The following CEACAM5 variants were observed in gnomAD, a reference collection of about 807,000 sequenced individuals.
CEACAM5 encodes the protein CEA cell adhesion molecule 5.
A neutral mutation model predicts 63.0 loss-of-function variants in CEACAM5; 52 were observed. That is an observed-to-expected ratio of 0.83 (90% CI 0.66 to 1.04). The LOEUF (loss-of-function observed/expected upper bound fraction) is 1.04. Ranked by LOEUF, CEACAM5 falls within the 50% of genes least tolerant of loss-of-function variation. The pLI is 0.00. For synonymous variants in CEACAM5, 357 were observed against 351.3 expected (o/e 1.02, Z -0.18); for missense variants, 790 against 864.8 (o/e 0.91, Z 1.08).
chr19:41,717,453 A>G lies in CEACAM5; in HGVS notation c.959-2A>G, dbSNP rs200674246. On this transcript the variant is annotated splice_acceptor_variant, in intron 4 of 9. Coordinates refer to ENST00000221992, the MANE Select transcript of CEACAM5 (RefSeq NM_004363.6). LOFTEE classifies it high-confidence loss of function. The stretch of plus-strand genomic sequence containing the variant: ...GCAATCTTCTCTCTGTTATCTGCAC[A>G]GCAGAGCCACCCAAACCCTTCATCA... The G allele has an allele frequency of 3.1e-6, 5 of 1,612,248 alleles. No individual in the cohort carries two copies. In the African/African-American group the frequency reaches 5.3e-5, roughly 17 times the overall value.
In CEACAM5 at chr19:41,721,032, C is replaced by T. The variant is rs201571774; in HGVS notation, c.1882C>T (p.Arg628Cys). ...ASNPSPQYSW[R>C]INGIPQQHTQ... ...TAACCCATCCCCGCAGTATTCTTGG[C>T]GTATCAATGGGATACCGCAGCAACA... The change falls in exon 8 of 10, where the codon CGT becomes TGT. Residue 628 changes from arginine to cysteine, a missense_variant. Arg to Cys is a radical substitution (Grantham distance 180). Transcript: ENST00000221992. 26 of 1,614,060 alleles carry T rather than the reference C, an allele frequency of 1.6e-5. No homozygotes were observed. In the East Asian group the frequency reaches 2.9e-4, roughly 18 times the overall value.
intron 8 of CEACAM5, among the ~76,000 whole-genome samples, chr19:41,722,907 GTTTGTT>G (rs1555816496): frequency 6.6e-6 from 1 of 151,874 alleles, no homozygotes; most frequent in African/African-American, 2.4e-5. Flanking sequence ...TTGTTTGTTT[GTTTGTT>G]TGTTTGTTTT....
At chr19:41,720,267 G>T (rs782227911) in intron 7 of CEACAM5, 59 bp downstream of exon 7, 9 of 1,567,732 alleles carry the variant, frequency 5.7e-6, no homozygotes, top group Admixed American at 1.7e-5. Flanking sequence ...CACAGCCAGA[G>T]GCCAGGACTC....
intron 6 of CEACAM5, among the ~76,000 whole-genome samples, chr19:41,719,569 C>T (rs745635820): frequency 1.3e-5 from 2 of 152,146 alleles, no homozygotes; most frequent in Non-Finnish European, 2.9e-5. Flanking sequence ...GGTGTGGGAC[C>T]GTGCAGCTGA....
intron 8 of CEACAM5, among the ~76,000 whole-genome samples, chr19:41,723,585 T>C (rs920872774): frequency 1.3e-5 from 2 of 152,188 alleles, no homozygotes; most frequent in Non-Finnish European, 2.9e-5. Flanking sequence ...AGATATATGA[T>C]TTGCAAATAT....
chr19:41,715,264 T>C lies in CEACAM5; in HGVS notation c.703+15T>C, dbSNP rs1555814757. 1 of 1,614,004 alleles carries C rather than the reference T, an allele frequency of 6.2e-7. No individual in the cohort carries two copies. The highest frequency in any genetic ancestry group is 1.7e-5 in the Admixed American group (1 of 60,008). On this transcript the variant is annotated intron_variant, in intron 3 of 9. Coordinates refer to ENST00000221992, the MANE Select transcript of CEACAM5 (RefSeq NM_004363.6). ...GAATGTCCTCTGTGAGTATATCTGC[T>C]CCTCTCTGGCCCAGGCTGCCAGCCC...
chr19:41,715,027 G>T lies in CEACAM5; in HGVS notation c.481G>T (p.Asp161Tyr). ...SNNSKPVEDKDAVAFTCEPET... is the reference protein window; with the variant it reads ...SNNSKPVEDKYAVAFTCEPET... Reference sequence around the variant, plus strand: ...CAACTCCAAACCCGTGGAGGACAAGGATGCTGTGGCCTTCACCTGTGAACC... The same window carrying T: ...CAACTCCAAACCCGTGGAGGACAAGTATGCTGTGGCCTTCACCTGTGAACC... The change falls in exon 3 of 10, where the codon GAT (aspartate) becomes TAT (tyrosine). Residue 161 changes from aspartate (D) to tyrosine (Y), a missense_variant. Asp to Tyr is a radical substitution (Grantham distance 160). Transcript: ENST00000221992. The T allele has an allele frequency of 6.2e-7, 1 of 1,614,190 alleles. No individual in the cohort carries two copies. Among genetic ancestry groups the T allele is most frequent in the Non-Finnish European group, 8.5e-7 (1 of 1,180,034 alleles).
rs1159162980 is a variant in CEACAM5 at position 41,727,250 on chromosome 19, T to C, written c.2043T>C (p.Pro681=). Residue 681 remains proline (P), a synonymous_variant, in exon 9 of 10, where the codon CCT becomes CCC. Transcript: ENST00000221992. Reference sequence around the variant, plus strand: ...ACGATTCAGCATCTGGAACTTCTCCTGGTCTCTCAGCTGGGGCCACTGTCG... The same window carrying C: ...ACGATTCAGCATCTGGAACTTCTCCCGGTCTCTCAGCTGGGGCCACTGTCG... ...SITVSASGTS[P]GLSAGATVGI... 1 of 1,613,978 alleles carries C rather than the reference T, an allele frequency of 6.2e-7. No individual in the cohort carries two copies. Among genetic ancestry groups the C allele is most frequent in the Admixed American group, 1.7e-5 (1 of 60,034 alleles).
rs2072557048 is a variant in CEACAM5, at chr19:41,718,110, C to T, written c.1238-18C>T. ...GCTCTGATGACATTCACCTGTGGCC[C>T]TATTCTCTTTGCTCCAGATGGCCCA... On this transcript the variant is annotated intron_variant, in intron 5 of 9. Transcript: ENST00000221992. 1.9e-6 allele frequency: 3 copies of T among 1,613,692 alleles called. No homozygotes were observed. Among genetic ancestry groups the T allele is most frequent in the South Asian group, 1.1e-5 (1 of 90,994 alleles).
chr19:41,708,851 T>A, intron 1 of CEACAM5, 56 bp downstream of exon 1: 1 of 801,166 alleles, frequency 1.2e-6, no homozygotes, highest in Non-Finnish European at 1.9e-6. Context: ...GTCTCCTGGG[T>A]AGGACAGGGC....
chr19:41,708,892 C>A (rs544755548), intron 1 of CEACAM5, 97 bp downstream of exon 1: 2 of 834,958 alleles, frequency 2.4e-6, no homozygotes, highest in South Asian at 3.4e-5. Flanking sequence ...CCTGTTGGAG[C>A]CTGAATAGGG....
rs1452782329 is a variant in CEACAM5 at position 41,729,850 on chromosome 19, A to G, written c.*703A>G. 1.3e-5 allele frequency: 2 copies of G among 152,178 alleles called. No individual in the cohort carries two copies. The highest frequency in any genetic ancestry group is 2.9e-5 in the Non-Finnish European group (2 of 68,026). The allele number at this position is 152,178 out of a possible 1,614,324, so 9.4% of individuals were successfully genotyped here. ...GTGGTCGCTCCAGACTTGGGAAACT[A>G]TTCATGAATATTTATATTGTATGGT... On this transcript the variant is annotated 3_prime_UTR_variant, in exon 10 of 10. Coordinates refer to ENST00000221992, the MANE Select transcript of CEACAM5 (RefSeq NM_004363.6).
intron 9 of CEACAM5, among the ~76,000 whole-genome samples, chr19:41,727,559 T>C (rs961612041): frequency 5.3e-5 from 8 of 152,174 alleles, no homozygotes; most frequent in African/African-American, 1.9e-4. Context: ...GATATAATTA[T>C]CCCCACCCTC....
intron 4 of CEACAM5, among the ~76,000 whole-genome samples, chr19:41,716,732 T>C (rs529896696): frequency 6.6e-6 from 1 of 152,336 alleles, no homozygotes; most frequent in South Asian, 2.1e-4. Flanking sequence ...ATCGTGTGTT[T>C]ATACAGATGG....
In CEACAM5 at chr19:41,721,108, A is replaced by G. The variant is rs782793773; in HGVS notation, c.1958A>G (p.Tyr653Cys). ...ATCACGCCAAATAATAACGGGACCTATGCCTGTTTTGTCTCTAACTTGGCT... is the reference window on the plus strand; with the variant it reads ...ATCACGCCAAATAATAACGGGACCTGTGCCTGTTTTGTCTCTAACTTGGCT... ...AKITPNNNGTYACFVSNLATG... is the reference protein window; with the variant it reads ...AKITPNNNGTCACFVSNLATG... Residue 653 changes from tyrosine (Y) to cysteine (C), a missense_variant, in exon 8 of 10, where the codon TAT (tyrosine) becomes TGT (cysteine). By Grantham distance (194) the Tyr-to-Cys change is radical (BLOSUM62 -2). Coordinates refer to ENST00000221992, the MANE Select transcript of CEACAM5 (RefSeq NM_004363.6). The G allele has an allele frequency of 6.2e-6, 10 of 1,614,180 alleles. No homozygotes were observed. Among genetic ancestry groups the G allele is most frequent in the Non-Finnish European group, 7.6e-6 (9 of 1,180,020 alleles).
chr19:41,716,868 C>T (rs2072534888), intron 4 of CEACAM5, among the ~76,000 whole-genome samples: 1 of 152,202 alleles, frequency 6.6e-6, no homozygotes, highest in Non-Finnish European at 1.5e-5. Context: ...TCTTTTCTTC[C>T]TCCCAAAATG....
intron 8 of CEACAM5, among the ~76,000 whole-genome samples, chr19:41,722,326 T>C (rs1214341553): frequency 7.2e-6 from 1 of 139,248 alleles, no homozygotes; most frequent in Non-Finnish European, 1.5e-5. Context: ...ATTGAGCCAC[T>C]GCACTCCAGC....
chr19:41,728,853 G>T (rs917670626), intron 9 of CEACAM5, among the ~76,000 whole-genome samples: 39 of 150,892 alleles, frequency 2.6e-4, no homozygotes, highest in Non-Finnish European at 4.6e-4. Context: ...TACTTTGTTG[G>T]CCCTGTTCAT....
At chr19:41,720,825 G>A in intron 7 of CEACAM5, 97 bp from the exon 8 acceptor site, 3 of 1,474,872 alleles carry the variant, frequency 2.0e-6, no homozygotes, top group Non-Finnish European at 2.8e-6. Context: ...ACACAGGATT[G>A]GGACAGGATT....
Sources: gnomAD v4.1 joint callset for allele counts (sites outside exome capture counted in the v4.1 genomes callset) on GRCh38, gnomAD v4.1.1 for gene constraint, MANE v1.5 for transcripts, NCBI Gene and HGNC (gene_info 2026-07-23, HGNC 2026-07-21) for gene names.